Variants in FBXO8 observed in about 807,000 individuals in gnomAD.
The protein encoded by FBXO8 is F-box protein 8.
In FBXO8, 15 loss-of-function variants were observed where a neutral mutation model predicts 33.4. The observed-to-expected ratio is 0.45, with a 90% CI of 0.30 to 0.69. The LOEUF is 0.69. Ranked by LOEUF, FBXO8 falls within the 30% of genes least tolerant of loss-of-function variation. FBXO8 has a pLI of 0.08. For missense variants in FBXO8, 274 were observed against 380.3 expected, an observed-to-expected ratio of 0.72 and a Z score of 2.32; for synonymous variants, 132 against 131.5, an observed-to-expected ratio of 1.00 and a Z score of -0.02.
At chr4:174,249,087 C>A (rs1218064756) in intron 3 of FBXO8, among the ~76,000 whole-genome samples, 1 of 151,992 alleles carries the variant, frequency 6.6e-6, no homozygotes, top group East Asian at 1.9e-4. Flanking sequence ...GTTCTAATAG[C>A]CTCAAACAGA....
intron 4 of FBXO8, among the ~76,000 whole-genome samples, chr4:174,239,971 A>T (rs1025844829): frequency 2.6e-4 from 39 of 151,738 alleles, no homozygotes; most frequent in African/African-American, 9.2e-4. Context: ...GGCGAACTAC[A>T]GCTACTGGGC....
chr4:174,271,442 G>A (rs1736836967), intron 1 of FBXO8, among the ~76,000 whole-genome samples: 1 of 152,062 alleles, frequency 6.6e-6, no homozygotes, highest in Non-Finnish European at 1.5e-5. Context: ...TGTCCCCCTT[G>A]TATGATTTTT....
chr4:174,272,365 G>T lies in FBXO8; in HGVS notation c.-8-9265C>A, dbSNP rs1736857350. ...GATTACTTATAACATCCAATAAGAT[G>T]TAAATGCTATGTAAATAGTTGTTAT... On this transcript the variant is annotated intron_variant, in intron 1 of 5. Transcript: ENST00000393674. The surrounding 1 kb of genome is among the most constrained non-coding windows in gnomAD (Gnocchi z 4.7). Among the ~76,000 whole-genome samples, 1 of 152,144 alleles carries T rather than the reference G, an allele frequency of 6.6e-6. No homozygotes were observed. Among genetic ancestry groups the T allele is most frequent in the Non-Finnish European group, 1.5e-5 (1 of 68,022 alleles).
chr4:174,246,593 AT>A (rs70947421), intron 3 of FBXO8, among the ~76,000 whole-genome samples: 27,306 of 151,256 alleles, frequency 0.18, 2,984 homozygotes, highest in East Asian at 0.58. Context: ...AAGAGAAAGT[AT>A]TTTTTTTTCA....
rs116383366 is a variant in FBXO8, at chr4:174,253,992, G to A, written c.456+5707C>T. 0.013 allele frequency among the ~76,000 whole-genome samples: 1,969 copies of A among 152,248 alleles called. 36 individuals are homozygous for A. Among genetic ancestry groups the A allele is most frequent in the African/African-American group, 0.044 (1,811 of 41,544 alleles). On this transcript the variant is annotated intron_variant, in intron 3 of 5. Transcript: ENST00000393674. This position sits in a 1 kb window ranked among gnomAD's most constrained non-coding sequence, Gnocchi z 4.5. ...TCTCACTAAAGTAACTGGGATACCT[G>A]CATCCAGGACTCTTTTGAAGTAAAC...
chr4:174,279,346 A>C (rs1737021399), intron 1 of FBXO8, among the ~76,000 whole-genome samples: 1 of 152,110 alleles, frequency 6.6e-6, no homozygotes, highest in African/African-American at 2.4e-5. Flanking sequence ...GCTACAAAAC[A>C]CTACTGAAAG....
At position 174,256,023 on chromosome 4, in the gene FBXO8, G is replaced by A. The variant is rs1473337416; in HGVS notation, c.456+3676C>T. On this transcript the variant is annotated intron_variant, in intron 3 of 5. Transcript: ENST00000393674. This position sits in a 1 kb window ranked among gnomAD's most constrained non-coding sequence, Gnocchi z 4.6. ...TAGTACAACAGCGTGCCAGATTATC[G>A]TACCACAAACTGTGCAGATGTTCTC... 13 of 452,820 alleles carry A rather than the reference G, an allele frequency of 2.9e-5. No individual in the cohort carries two copies. The highest frequency in any genetic ancestry group is 1.0e-4 in the African/African-American group (5 of 49,882). The allele number at this position is 452,820 out of a possible 1,614,324, so 28.1% of individuals were successfully genotyped here.
rs909914791 is a variant in FBXO8 at position 174,267,637 on chromosome 4, G to A, written c.-8-4537C>T. The stretch of plus-strand genomic sequence containing the variant: ...AGAATATGATGCAGTTTCATGCGGG[G>A]TTCGTCCATGATTTCAAACTCTTGA... On this transcript the variant is annotated intron_variant, in intron 1 of 5. Coordinates refer to ENST00000393674, the MANE Select transcript of FBXO8 (RefSeq NM_012180.3). This position sits in a 1 kb window ranked among gnomAD's most constrained non-coding sequence, Gnocchi z 4.7. Among the ~76,000 whole-genome samples, 1 of 152,102 alleles carries A rather than the reference G, an allele frequency of 6.6e-6. No homozygotes were observed. The highest frequency in any genetic ancestry group is 1.5e-5 in the Non-Finnish European group (1 of 68,018).
At chr4:174,258,529 GA>G (rs1736467848) in intron 3 of FBXO8, among the ~76,000 whole-genome samples, 1 of 151,982 alleles carries the variant, frequency 6.6e-6, no homozygotes, top group Admixed American at 6.6e-5. Context: ...TGAAAGAAAA[GA>G]AATATCTGAA....
chr4:174,268,981 G>T (rs956615294), intron 1 of FBXO8: 1 of 152,146 alleles, frequency 6.6e-6, no homozygotes, highest in African/African-American at 2.4e-5. Flanking sequence ...TTAGTGAGTA[G>T]GTAAATTCAC....
Position 174,254,852 on chromosome 4 carries a change from C to T in FBXO8, c.456+4847G>A, listed in dbSNP as rs866792650. ...ACATCAGATAACTGCAAGTGAACAA[C>T]AGGGTATTTCAACCATTCTAAAATA... On this transcript the variant is annotated intron_variant, in intron 3 of 5. Coordinates refer to ENST00000393674, the MANE Select transcript of FBXO8 (RefSeq NM_012180.3). This position sits in a 1 kb window ranked among gnomAD's most constrained non-coding sequence, Gnocchi z 4.2. Among the ~76,000 whole-genome samples, 9 of 152,232 alleles carry T rather than the reference C, an allele frequency of 5.9e-5. No homozygotes were observed. Among genetic ancestry groups the T allele is most frequent in the African/African-American group, 1.7e-4 (7 of 41,532 alleles).
intron 5 of FBXO8, among the ~76,000 whole-genome samples, chr4:174,238,023 T>A (rs574253627): frequency 2.6e-5 from 4 of 151,936 alleles, no homozygotes; most frequent in African/African-American, 9.7e-5. Context: ...TAAAAAAAAA[T>A]TTATATAGAA....
chr4:174,245,293 GA>G lies in FBXO8; in HGVS notation c.457-4076del, dbSNP rs1374833159. ...TAAGTGTTTCAGAGTTCAATGAAAG[GA>G]AAAGTCACTATGGGATAGGACGTTT... On this transcript the variant is annotated intron_variant, in intron 3 of 5. Coordinates refer to ENST00000393674, the MANE Select transcript of FBXO8 (RefSeq NM_012180.3). The surrounding 1 kb of genome is among the most constrained non-coding windows in gnomAD (Gnocchi z 4.6). 6.6e-6 allele frequency among the ~76,000 whole-genome samples: 1 copy of G among 151,724 alleles called. No individual in the cohort carries two copies. Among genetic ancestry groups the G allele is most frequent in the East Asian group, 1.9e-4 (1 of 5,190 alleles).
chr4:174,250,688 C>T (rs563911721), intron 3 of FBXO8, among the ~76,000 whole-genome samples: 1 of 152,212 alleles, frequency 6.6e-6, no homozygotes, highest in Non-Finnish European at 1.5e-5. Flanking sequence ...TTCCTTCATA[C>T]TCCCATATTT....
intron 1 of FBXO8, among the ~76,000 whole-genome samples, chr4:174,282,136 T>C (rs1560878206): frequency 6.6e-6 from 1 of 152,192 alleles, no homozygotes; most frequent in South Asian, 2.1e-4. Flanking sequence ...TATTGTAAAA[T>C]GAGGAAGATA....
rs1018869884 is a variant in FBXO8, at chr4:174,283,177, G to T, written c.-9+233C>A. 3.3e-5 allele frequency among the ~76,000 whole-genome samples: 5 copies of T among 152,200 alleles called. No individual in the cohort carries two copies. Among genetic ancestry groups the T allele is most frequent in the African/African-American group, 9.6e-5 (4 of 41,514 alleles). On this transcript the variant is annotated intron_variant, in intron 1 of 5. Coordinates refer to ENST00000393674, the MANE Select transcript of FBXO8 (RefSeq NM_012180.3). This position sits in a 1 kb window ranked among gnomAD's most constrained non-coding sequence, Gnocchi z 6.7. ...TCCTAAACCGAACTACACCCCAATGGCCTAGAAACAGAAGGAACACACCCA... is the reference window on the plus strand; with the variant it reads ...TCCTAAACCGAACTACACCCCAATGTCCTAGAAACAGAAGGAACACACCCA...
At position 174,276,983 on chromosome 4, in the gene FBXO8, G is replaced by A. The variant is rs528881663; in HGVS notation, c.-9+6427C>T. On this transcript the variant is annotated intron_variant, in intron 1 of 5. Coordinates refer to ENST00000393674, the MANE Select transcript of FBXO8 (RefSeq NM_012180.3). ...AAAGCATCTTTTAATTGGTAAAGCA[G>A]TATGTAGTTTCTGAAACAGCTATAT... Among the ~76,000 whole-genome samples, 17 of 152,272 alleles carry A rather than the reference G, an allele frequency of 1.1e-4. 1 individual carries two copies. Among genetic ancestry groups the A allele is most frequent in the Admixed American group, 1.1e-3 (17 of 15,290 alleles).
At position 174,261,958 on chromosome 4, in the gene FBXO8, A is replaced by G. The variant is rs1361263145; in HGVS notation, c.329+806T>C. On this transcript the variant is annotated intron_variant, in intron 2 of 5. Transcript: ENST00000393674. This position sits in a 1 kb window ranked among gnomAD's most constrained non-coding sequence, Gnocchi z 4.1. ...GGTAAAGGATGCTAGAAGGTCTGAGATCCAATGATTCCATGTTTGGTAATA... is the reference window on the plus strand; with the variant it reads ...GGTAAAGGATGCTAGAAGGTCTGAGGTCCAATGATTCCATGTTTGGTAATA... Among the ~76,000 whole-genome samples, 1 of 152,066 alleles carries G rather than the reference A, an allele frequency of 6.6e-6. No individual in the cohort carries two copies. The highest frequency in any genetic ancestry group is 1.5e-5 in the Non-Finnish European group (1 of 67,928).
intron 1 of FBXO8, among the ~76,000 whole-genome samples, chr4:174,264,838 C>T (rs1014687161): frequency 7.4e-5 from 11 of 149,224 alleles, no homozygotes; most frequent in Non-Finnish European, 1.2e-4. Context: ...AAAGACAAGC[C>T]ACGGACCAGG....
Sources: allele counts gnomAD v4.1 joint callset (sites outside exome capture counted in the v4.1 genomes callset), GRCh38; gene constraint gnomAD v4.1.1; non-coding constraint Gnocchi (gnomAD v3.1); transcripts MANE v1.5; gene names NCBI Gene and HGNC (gene_info 2026-07-23, HGNC 2026-07-21).